The following FAS variants were observed in gnomAD, a reference collection of about 807,000 sequenced individuals.
FAS encodes the protein tumor necrosis factor receptor superfamily member 6.
Under a neutral mutation model 33.2 loss-of-function variants are expected in FAS, and 5 were observed. The ratio of observed to expected loss-of-function variants is 0.15; its 90% CI spans 0.08 to 0.32. The LOEUF is 0.32. Ranked by LOEUF, FAS falls within the 10% of genes least tolerant of loss-of-function variation. FAS has a pLI of 1.00. For missense variants in FAS, 339 were observed against 386.0 expected, an observed-to-expected ratio of 0.88 and a Z score of 1.02; for synonymous variants, 131 against 130.7, an observed-to-expected ratio of 1.00 and a Z score of -0.01.
At chr10:88,965,774 C>T (rs1165356966) in intron 1 of FAS, among the ~76,000 whole-genome samples, 2 of 152,160 alleles carry the variant, frequency 1.3e-5, no homozygotes, top group African/African-American at 2.4e-5. Flanking sequence ...ACAGCAGACT[C>T]CATGGAAGAG....
chr10:88,983,354 G>A (rs1846759206), upstream of FAS, among the ~76,000 whole-genome samples: 2 of 151,962 alleles, frequency 1.3e-5, no homozygotes, highest in Admixed American at 6.6e-5. Context: ...TTAATCAACC[G>A]GAAACCATGT....
At chr10:88,965,910 TG>T (rs1376627008) in intron 1 of FAS, among the ~76,000 whole-genome samples, 1 of 152,204 alleles carries the variant, frequency 6.6e-6, no homozygotes, top group Non-Finnish European at 1.5e-5. Context: ...GGTACACCAA[TG>T]TTTTTTTCCA....
At chr10:89,011,926 G>C in intron 6 of FAS, 73 bp from the exon 7 acceptor site, 1 of 1,265,866 alleles carries the variant, frequency 7.9e-7, no homozygotes, top group Non-Finnish European at 1.2e-6. Context: ...ATTTCTCTTA[G>C]TGTGAAAGTA....
Position 88,976,420 on chromosome 10 carries a change from G to C in FAS, n.260+3073G>C, listed in dbSNP as rs1477329887. Among the ~76,000 whole-genome samples, 2 of 152,180 alleles carry C rather than the reference G, an allele frequency of 1.3e-5. 1 individual carries two copies. Among genetic ancestry groups the C allele is most frequent in the South Asian group, 4.1e-4 (2 of 4,834 alleles). Reference sequence around the variant, plus strand: ...TTAGTCTCTAACAAAAGGATTGATAGGCCAAGGAAAATATATTGGTTCATT... The same window carrying C: ...TTAGTCTCTAACAAAAGGATTGATACGCCAAGGAAAATATATTGGTTCATT... On this transcript the variant is annotated intron_variant and non_coding_transcript_variant, in intron 2 of 3. Transcript: ENST00000688239.
intron 1 of FAS, among the ~76,000 whole-genome samples, chr10:88,970,158 T>C (rs1213211968): frequency 3.9e-5 from 6 of 152,116 alleles, no homozygotes; most frequent in Non-Finnish European, 8.8e-5. Context: ...AAAGAAAGGT[T>C]TTACTGTACT....
At chr10:88,992,644 G>T (rs1160086905) in intron 1 of FAS, 2 of 152,050 alleles carry the variant, frequency 1.3e-5, no homozygotes, top group Non-Finnish European at 2.9e-5. Flanking sequence ...ATATGGCCTA[G>T]GAAATTAAGG....
upstream of FAS, chr10:88,990,753 C>A: frequency 8.1e-7 from 1 of 1,241,932 alleles, no homozygotes; most frequent in Non-Finnish European, 1.2e-6. The surrounding 1 kb of genome is among the most constrained non-coding windows in gnomAD (Gnocchi z 4.9). Context: ...GGCACTGGCA[C>A]GGAACACACC....
chr10:88,992,170 A>G (rs989480101), intron 1 of FAS, among the ~76,000 whole-genome samples: 2 of 152,224 alleles, frequency 1.3e-5, no homozygotes, highest in Non-Finnish European at 2.9e-5. Context: ...TCTGATATCC[A>G]GATTACACCA....
chr10:88,995,267 C>G (rs1847518202), intron 1 of FAS, among the ~76,000 whole-genome samples: 1 of 152,156 alleles, frequency 6.6e-6, no homozygotes, highest in Non-Finnish European at 1.5e-5. Flanking sequence ...ACTTGCCTAC[C>G]TTTACTGTCT....
chr10:88,969,233 C>T (rs191895937), intron 1 of FAS, among the ~76,000 whole-genome samples: 80 of 152,182 alleles, frequency 5.3e-4, no homozygotes, highest in Admixed American at 1.4e-3. Flanking sequence ...CATAGATTTC[C>T]GTAATGTCCA....
At position 89,014,703 on chromosome 10, in the gene FAS, T is replaced by A. The variant is rs1380318889; in HGVS notation, c.*253T>A. 1 of 641,288 alleles carries A rather than the reference T, an allele frequency of 1.6e-6. No individual in the cohort carries two copies. Among genetic ancestry groups the A allele is most frequent in the African/African-American group, 1.8e-5 (1 of 56,280 alleles). 39.7% of individuals were successfully genotyped at this position (641,288 alleles called of 1,614,324 possible). A position where few individuals can be genotyped will look rare whatever the true frequency, so the allele number is the denominator to read the frequency against. On this transcript the variant is annotated 3_prime_UTR_variant, in exon 9 of 9. Coordinates refer to ENST00000652046, the MANE Select transcript of FAS (RefSeq NM_000043.6). ...TGCTAAGTACCCAAATAGGAGTGTA[T>A]GCAGAGGATGAAAGATTAAGATTAT...
In FAS at chr10:89,014,726, T is replaced by G; in HGVS notation, c.*276T>G. On this transcript the variant is annotated 3_prime_UTR_variant, in exon 9 of 9. Transcript: ENST00000652046. ...TATGCAGAGGATGAAAGATTAAGAT[T>G]ATGCTCTGGCATCTAACATATGATT... is the stretch of plus-strand genomic sequence containing the variant. The G allele has an allele frequency of 1.6e-6, 1 of 611,824 alleles. No homozygotes were observed. The highest frequency in any genetic ancestry group is 3.0e-6 in the Non-Finnish European group (1 of 328,358). The allele number at this position is 611,824 out of a possible 1,614,324, so 37.9% of individuals were successfully genotyped here. A position where few individuals can be genotyped will look rare whatever the true frequency, so the allele number is the denominator to read the frequency against.
At position 89,011,969 on chromosome 10, in the gene FAS, T is replaced by C. The variant is rs763118060; in HGVS notation, c.569-30T>C. The stretch of plus-strand genomic sequence containing the variant: ...ACATGCATTCTACAAGGCTGAGACC[T>C]GAGTTGATAAAATTTCTTTGTTCTT... On this transcript the variant is annotated intron_variant, in intron 6 of 8. Coordinates refer to ENST00000652046, the MANE Select transcript of FAS (RefSeq NM_000043.6). The C allele has an allele frequency of 7.0e-6, 11 of 1,580,850 alleles. No individual in the cohort carries two copies. In the Admixed American group the frequency reaches 1.3e-4, roughly 19 times the overall value.
intron 1 of FAS, among the ~76,000 whole-genome samples, chr10:88,967,422 A>G (rs564039318): frequency 5.3e-4 from 80 of 152,286 alleles, no homozygotes; most frequent in African/African-American, 1.9e-3. Flanking sequence ...AATGAGAAGG[A>G]TGTAACACCT....
chr10:88,996,181 A>G (rs1847576917), intron 1 of FAS, among the ~76,000 whole-genome samples: 1 of 134,250 alleles, frequency 7.4e-6, no homozygotes, highest in African/African-American at 3.2e-5. Flanking sequence ...AAGTCAGAGT[A>G]TGCGGGTGAA....
upstream of FAS, among the ~76,000 whole-genome samples, chr10:88,983,953 C>T (rs1224132387): frequency 6.6e-6 from 1 of 150,776 alleles, no homozygotes; most frequent in African/African-American, 2.4e-5. Context: ...ACTTAGGCTG[C>T]CTAGTTATCC....
At position 89,014,395 on chromosome 10, in the gene FAS, T is replaced by C. The variant is rs1848687177; in HGVS notation, c.953T>C (p.Ile318Thr). 1 of 1,613,144 alleles carries C rather than the reference T, an allele frequency of 6.2e-7. No individual in the cohort carries two copies. Among genetic ancestry groups the C allele is most frequent in the Non-Finnish European group, 8.5e-7 (1 of 1,179,932 alleles). The change falls in exon 9 of 9, where the codon ATT becomes ACT. Residue 318 changes from isoleucine (I) to threonine (T), a missense_variant. By Grantham distance (89) the Ile-to-Thr change is moderately conservative (BLOSUM62 -1). This residue lies in a region of FAS where 52 missense variants were observed against 52.7 expected (regional missense o/e 0.99). Coordinates refer to ENST00000652046, the MANE Select transcript of FAS (RefSeq NM_000043.6). ...ATTCAGACTATCATCCTCAAGGACATTACTAGTGACTCAGAAAATTCAAAC... is the reference window on the plus strand; with the variant it reads ...ATTCAGACTATCATCCTCAAGGACACTACTAGTGACTCAGAAAATTCAAAC... ...EKIQTIILKD[I>T]TSDSENSNFR...
chr10:89,003,103 G>A lies in FAS; in HGVS notation c.105G>A (p.Leu35=), dbSNP rs748100390. The change falls in exon 2 of 9, where the codon TTG becomes TTA. Residue 35 remains leucine, a synonymous_variant. Coordinates refer to ENST00000652046, the MANE Select transcript of FAS (RefSeq NM_000043.6). ...AQVTDINSKG[L]ELRKTVTTVE... is the part of the protein sequence containing the mutation. ...TGACTGACATCAACTCCAAGGGATT[G>A]GAATTGAGGAAGACTGTTACTACAG... The A allele has an allele frequency of 1.2e-6, 2 of 1,614,172 alleles. No individual in the cohort carries two copies. Among genetic ancestry groups the A allele is most frequent in the Non-Finnish European group, 1.7e-6 (2 of 1,180,014 alleles).
chr10:89,003,739 A>G (rs1182010817), intron 2 of FAS, among the ~76,000 whole-genome samples: 1 of 152,252 alleles, frequency 6.6e-6, no homozygotes, highest in African/African-American at 2.4e-5. Context: ...TTGAAGGGCA[A>G]ACTAATTTCA....
Sources: gnomAD v4.1 joint callset for allele counts (sites outside exome capture counted in the v4.1 genomes callset) on GRCh38, gnomAD v4.1.1 for gene constraint, gnomAD v4.1.1 regional missense constraint, Gnocchi (gnomAD v3.1) non-coding constraint, MANE v1.5 for transcripts, NCBI Gene and HGNC (gene_info 2026-07-23, HGNC 2026-07-21) for gene names.